CORO7: variants seen among roughly 807,000 people sequenced by gnomAD.
CORO7 encodes the protein coronin 7.
CORO7 carries 107 observed loss-of-function variants against 126.6 expected under a neutral mutation model. The observed-to-expected ratio is 0.85, with a 90% CI of 0.72 to 0.99. The LOEUF (loss-of-function observed/expected upper bound fraction) is 0.99. CORO7 is among the 50% of genes least tolerant of loss of function. CORO7 has a pLI of 0.00. For synonymous variants in CORO7, 603 were observed against 536.8 expected (o/e 1.12, Z -1.70); for missense variants, 1,314 against 1,255.8 (o/e 1.05, Z -0.70).
chr16:4,361,764 G>A (rs918469163), intron 16 of CORO7: 8 of 842,390 alleles, frequency 9.5e-6, no homozygotes, highest in Admixed American at 4.0e-5. Context: ...TGTGTGACCC[G>A]GGCAGGTCAC....
intron 9 of CORO7, chr16:4,382,955 C>T (rs1445262519): frequency 5.4e-5 from 78 of 1,439,204 alleles, no homozygotes; most frequent in Admixed American, 8.9e-5. Flanking sequence ...GATGGCCAGC[C>T]CCCTCCTGCT....
chr16:4,391,815 G>T (rs1359350440), intron 7 of CORO7, among the ~76,000 whole-genome samples: 1 of 152,232 alleles, frequency 6.6e-6, no homozygotes, highest in African/African-American at 2.4e-5. Flanking sequence ...CTGCAGCTGG[G>T]ACCCAGGCAT....
intron 19 of CORO7, 31 bp from the exon 20 acceptor site, chr16:4,360,579 C>T: frequency 1.9e-6 from 3 of 1,563,008 alleles, no homozygotes; most frequent in Non-Finnish European, 2.6e-6. Flanking sequence ...GAGAGACAGC[C>T]TTGCTTCACT....
rs761349815 is a variant in CORO7, at chr16:4,355,339, G to A, written c.2719C>T (p.Arg907Trp). The change falls in exon 27 of 28, where the codon CGG becomes TGG. Residue 907 changes from arginine to tryptophan, a missense_variant. Coordinates refer to ENST00000251166, the MANE Select transcript of CORO7 (RefSeq NM_024535.5). ...LNAMVAKLGNREDPLPQDSFE... is the reference protein window; with the variant it reads ...LNAMVAKLGNWEDPLPQDSFE... ...GAGTCCTGGGGGAGTGGGTCCTCCC[G>A]GTTCCCCAGTTTTGCCACCATGGCA... The A allele has an allele frequency of 2.7e-5, 44 of 1,612,474 alleles. No homozygotes were observed. The highest frequency in any genetic ancestry group is 2.0e-4 in the East Asian group (9 of 44,888).
intron 7 of CORO7, among the ~76,000 whole-genome samples, chr16:4,391,672 A>G (rs1366809447): frequency 1.3e-5 from 2 of 152,270 alleles, no homozygotes; most frequent in Non-Finnish European, 2.9e-5. Flanking sequence ...TCAAAGCTAC[A>G]GTGAGCCGTG....
rs2053917746 is a variant in CORO7 at position 4,354,662 on chromosome 16, CA to C, written c.*495del. 6.0e-6 allele frequency: 1 copy of C among 166,678 alleles called. No homozygotes were observed. The highest frequency in any genetic ancestry group is 1.3e-5 in the Non-Finnish European group (1 of 78,006). The allele number at this position is 166,678 out of a possible 1,614,324, so 10.3% of individuals were successfully genotyped here. On this transcript the variant is annotated 3_prime_UTR_variant, in exon 28 of 28. Transcript: ENST00000251166. ...CTGTGATGCCCCCTTCTCCTGGCTA[CA>C]AACCTGGGAAGTAGGGCAGCTGGTC...
intron 6 of CORO7, among the ~76,000 whole-genome samples, chr16:4,403,234 G>A (rs1245043661): frequency 1.3e-5 from 2 of 152,196 alleles, no homozygotes; most frequent in Admixed American, 1.3e-4. Context: ...ACACTCATGG[G>A]CATCACTGGC....
intron 1 of CORO7, among the ~76,000 whole-genome samples, chr16:4,415,194 T>A (rs1336911390): frequency 1.3e-5 from 2 of 152,204 alleles, no homozygotes; most frequent in African/African-American, 4.8e-5. Context: ...GCAATCAGAA[T>A]AAAACCCAAC....
chr16:4,382,844 T>C (rs763302080), intron 9 of CORO7: 26 of 1,594,398 alleles, frequency 1.6e-5, no homozygotes, highest in Non-Finnish European at 2.2e-5. Context: ...GTGCCACTCA[T>C]GGGCTTCCCA....
intron 21 of CORO7, 56 bp from the exon 22 acceptor site, chr16:4,359,677 C>T (rs1261759534): frequency 6.5e-6 from 10 of 1,537,394 alleles, no homozygotes; most frequent in Non-Finnish European, 8.8e-6. Context: ...GGGCCTGGGG[C>T]AGGGAGAAGG....
chr16:4,368,238 T>C (rs1053587350), intron 9 of CORO7, among the ~76,000 whole-genome samples: 3 of 152,002 alleles, frequency 2.0e-5, no homozygotes, highest in Non-Finnish European at 2.9e-5. Context: ...TCCCAGCTAA[T>C]TGGGAGGCTG....
At chr16:4,371,419 C>A (rs1208720071) in intron 9 of CORO7, among the ~76,000 whole-genome samples, 3 of 152,172 alleles carry the variant, frequency 2.0e-5, no homozygotes, top group East Asian at 1.9e-4. Flanking sequence ...AGTTTCTCTT[C>A]AAAAATCCAA....
intron 6 of CORO7, among the ~76,000 whole-genome samples, chr16:4,396,748 G>A (rs983090855): frequency 3.3e-5 from 5 of 152,128 alleles, no homozygotes; most frequent in African/African-American, 1.2e-4. Context: ...AGGCATGGTG[G>A]CTCACGCCTG....
At chr16:4,399,368 A>G (rs1300365281) in intron 6 of CORO7, among the ~76,000 whole-genome samples, 1 of 152,236 alleles carries the variant, frequency 6.6e-6, no homozygotes, top group Non-Finnish European at 1.5e-5. Context: ...GCTCAGAGAA[A>G]TAAGTCAGCC....
rs895322328 is a variant in CORO7 at position 4,402,247 on chromosome 16, G to A, written c.564+3244C>T. Among the ~76,000 whole-genome samples, 16 of 129,142 alleles carry A rather than the reference G, an allele frequency of 1.2e-4. 1 individual carries two copies. The South Asian group carries it at 3.1e-3, about 25-fold the overall frequency. The allele number at this position is 129,142 out of a possible 152,430, so 84.7% of individuals were successfully genotyped here. A position where few individuals can be genotyped will look rare whatever the true frequency, so the allele number is the denominator to read the frequency against. On this transcript the variant is annotated intron_variant, in intron 6 of 27. Transcript: ENST00000251166. ...GCCACTGCACCCGGCCAGTTTTGTTGTTGTTGTTGTTGTTGTTGTTTTTTA... is the reference window on the plus strand; with the variant it reads ...GCCACTGCACCCGGCCAGTTTTGTTATTGTTGTTGTTGTTGTTGTTTTTTA...
chr16:4,403,308 G>A (rs576881506), intron 6 of CORO7, among the ~76,000 whole-genome samples: 44 of 152,258 alleles, frequency 2.9e-4, no homozygotes, highest in African/African-American at 1.0e-3. Context: ...TCCAGTGTAG[G>A]ATGCCCCCAC....
chr16:4,390,191 G>A (rs1306337113), intron 7 of CORO7, among the ~76,000 whole-genome samples: 1 of 152,218 alleles, frequency 6.6e-6, no homozygotes, highest in African/African-American at 2.4e-5. Flanking sequence ...AAGCTCTGGA[G>A]GTGGACCCAG....
chr16:4,379,775 G>A (rs2054882765), intron 9 of CORO7, among the ~76,000 whole-genome samples: 1 of 151,644 alleles, frequency 6.6e-6, no homozygotes, highest in South Asian at 2.1e-4. Flanking sequence ...GGGCACGGTG[G>A]CTCATGCCTG....
intron 5 of CORO7, among the ~76,000 whole-genome samples, chr16:4,406,117 G>A (rs112916253): frequency 2.5e-3 from 372 of 151,630 alleles, no homozygotes; most frequent in African/African-American, 8.6e-3. Context: ...CTCCTGCCTC[G>A]GCTTCCCAGG....
Sources: allele counts gnomAD v4.1 joint callset (sites outside exome capture counted in the v4.1 genomes callset), GRCh38; gene constraint gnomAD v4.1.1; transcripts MANE v1.5; gene names NCBI Gene and HGNC (gene_info 2026-07-23, HGNC 2026-07-21).